DSCAML1: variants seen among roughly 807,000 people sequenced by gnomAD.
The protein encoded by DSCAML1 is cell adhesion molecule DSCAML1.
Under a neutral mutation model 200.5 loss-of-function variants are expected in DSCAML1, and 38 were observed. The ratio of observed to expected loss-of-function variants is 0.19; its 90% confidence interval spans 0.15 to 0.25. The LOEUF (loss-of-function observed/expected upper bound fraction) is 0.25, where lower values mean the gene tolerates loss of function less well. Among genes scored for constraint, DSCAML1 ranks in the 10% least tolerant of loss-of-function variants. The pLI is 1.00. For missense variants in DSCAML1, 2,223 were observed against 2,858.8 expected (o/e 0.78, Z 5.07); for synonymous variants, 1,215 against 1,165.0 (o/e 1.04, Z -0.87).
intron 11 of DSCAML1, among the ~76,000 whole-genome samples, chr11:117,499,316 G>A (rs1216365557): frequency 6.6e-6 from 1 of 152,112 alleles, no homozygotes; most frequent in Admixed American, 6.5e-5. Context: ...GTGGTCTGGT[G>A]TCTTGAAAAG....
At chr11:117,746,664 C>T (rs1893038) in intron 3 of DSCAML1, among the ~76,000 whole-genome samples, 141,302 of 152,232 alleles carry the variant, frequency 0.93, 66,205 homozygotes, top group East Asian at 1. Context: ...CAGTGTGCTA[C>T]TGGCAACCTG....
chr11:117,627,512 G>GC (rs1166232008), intron 3 of DSCAML1, among the ~76,000 whole-genome samples: 1 of 151,918 alleles, frequency 6.6e-6, no homozygotes, highest in African/African-American at 2.4e-5. Flanking sequence ...CACCACACTC[G>GC]TGCCTTCCCC....
intron 3 of DSCAML1, among the ~76,000 whole-genome samples, chr11:117,732,138 C>A (rs966664980): frequency 3.3e-4 from 50 of 152,370 alleles, no homozygotes; most frequent in Non-Finnish European, 5.4e-4. Flanking sequence ...CTGAAGACTG[C>A]AGAGCTTTGG....
In DSCAML1 at chr11:117,677,683, T is replaced by C. The variant is rs189170239; in HGVS notation, c.511+99108A>G. On this transcript the variant is annotated intron_variant, in intron 3 of 32. Transcript: ENST00000651296. ...TGCAGGGCAGAAGGGACAATAACCA[T>C]GGCTAACTTCTACTGAGCACTTTCT... Among the ~76,000 whole-genome samples the C allele has an allele frequency of 2.7e-3, 417 of 152,246 alleles. 1 individual carries two copies. Among genetic ancestry groups the C allele is most frequent in the Admixed American group, 0.01 (158 of 15,290 alleles).
intron 3 of DSCAML1, among the ~76,000 whole-genome samples, chr11:117,740,757 T>C (rs2054407023): frequency 6.6e-6 from 1 of 152,218 alleles, no homozygotes; most frequent in Admixed American, 6.5e-5. Context: ...ACTCCAAGGT[T>C]ACATATTTAT....
At chr11:117,610,955 A>C (rs1208252296) in intron 3 of DSCAML1, 1 of 151,528 alleles carries the variant, frequency 6.6e-6, no homozygotes, top group Non-Finnish European at 1.5e-5. Flanking sequence ...GGGTATGTAC[A>C]TTCCCAGCGT....
At chr11:117,706,681 C>T (rs908669781) in intron 3 of DSCAML1, among the ~76,000 whole-genome samples, 5 of 152,214 alleles carry the variant, frequency 3.3e-5, no homozygotes, top group South Asian at 2.1e-4. Context: ...GGAGGCCTAG[C>T]GTCTAGCCCT....
chr11:117,686,284 T>C (rs2053399747), intron 3 of DSCAML1, among the ~76,000 whole-genome samples: 2 of 152,158 alleles, frequency 1.3e-5, no homozygotes, highest in South Asian at 4.1e-4. Flanking sequence ...TGGGCAGAGG[T>C]GCGGTCAAGT....
chr11:117,596,035 T>C (rs2051357047), intron 3 of DSCAML1, among the ~76,000 whole-genome samples: 1 of 152,228 alleles, frequency 6.6e-6, no homozygotes, highest in South Asian at 2.1e-4. Flanking sequence ...ACTGCAAACA[T>C]TCCTGGGAAA....
chr11:117,523,854 G>T (rs759897627), intron 5 of DSCAML1, among the ~76,000 whole-genome samples: 19 of 152,220 alleles, frequency 1.2e-4, no homozygotes, highest in Non-Finnish European at 2.4e-4. Flanking sequence ...GATGCTGTTA[G>T]TAATGACAGC....
At chr11:117,517,022 C>T (rs958491900) in intron 7 of DSCAML1, among the ~76,000 whole-genome samples, 1 of 152,164 alleles carries the variant, frequency 6.6e-6, no homozygotes, top group Non-Finnish European at 1.5e-5. Context: ...CCATTCCCCT[C>T]GTGGGACAGG....
At position 117,428,654 on chromosome 11, in the gene DSCAML1, G is replaced by C. The variant is rs1462414182; in HGVS notation, c.5836C>G (p.Leu1946Val). The change falls in exon 33 of 33, where the codon CTG becomes GTG. Residue 1946 changes from leucine (L) to valine (V), a missense_variant. This residue lies in a region of DSCAML1 where 280 missense variants were observed against 213.4 expected (regional missense o/e 1.31). Transcript: ENST00000651296. ...CCCAAGGACTTGCTGGCAGGGTCCA[G>C]GGTCAGGTGGCGAGCCTGGGTGTGG... ...TYHTQARHLTLDPASKSLGLP... is the reference protein window; with the variant it reads ...TYHTQARHLTVDPASKSLGLP... 1.2e-5 allele frequency: 20 copies of C among 1,611,978 alleles called. No individual in the cohort carries two copies. The highest frequency in any genetic ancestry group is 1.6e-5 in the Non-Finnish European group (19 of 1,179,342).
intron 3 of DSCAML1, among the ~76,000 whole-genome samples, chr11:117,745,798 G>A (rs963691750): frequency 5.3e-5 from 8 of 152,192 alleles, no homozygotes; most frequent in African/African-American, 1.7e-4. Flanking sequence ...CTGTAAGCAA[G>A]TTCCTTGACA....
intron 3 of DSCAML1, among the ~76,000 whole-genome samples, chr11:117,756,129 GA>G (rs2137879956): frequency 6.6e-6 from 1 of 152,332 alleles, no homozygotes; most frequent in East Asian, 1.9e-4. Flanking sequence ...GTGGAAAAAA[GA>G]AAAGTGGCTC....
Position 117,446,364 on chromosome 11 carries a change from C to CAAAACA in DSCAML1, c.3709-2331_3709-2326dup, listed in dbSNP as rs537590853. Among the ~76,000 whole-genome samples, 253 of 152,032 alleles carry CAAAACA rather than the reference C, an allele frequency of 1.7e-3. 1 individual carries two copies. The highest frequency in any genetic ancestry group is 5.8e-3 in the Admixed American group (89 of 15,262). On this transcript the variant is annotated intron_variant, in intron 20 of 32. Coordinates refer to ENST00000651296, the MANE Select transcript of DSCAML1 (RefSeq NM_020693.4). ...GGGCAATAAGAGTGAAACTCTGTCT[C>CAAAACA]AAAACAAAAACAAAAACAAAAACAA...
intron 3 of DSCAML1, among the ~76,000 whole-genome samples, chr11:117,592,168 G>C (rs1442315622): frequency 6.6e-6 from 1 of 152,116 alleles, no homozygotes; most frequent in Non-Finnish European, 1.5e-5. Context: ...TCAGAGTCTG[G>C]ATTCTCCGCA....
chr11:117,524,081 G>A (rs920770488), intron 5 of DSCAML1, among the ~76,000 whole-genome samples: 2 of 152,192 alleles, frequency 1.3e-5, no homozygotes, highest in Admixed American at 6.5e-5. Context: ...TCACAAATCC[G>A]CATCCAGAGT....
rs140525606 is a variant in DSCAML1, at chr11:117,431,848, C to T, written c.5180-120G>A. 3.8e-4 allele frequency: 364 copies of T among 967,778 alleles called. 3 individuals carry two copies. The East Asian group carries it at 8.1e-3, about 21-fold the overall frequency. The allele number at this position is 967,778 out of a possible 1,614,324, so 59.9% of individuals were successfully genotyped here. On this transcript the variant is annotated intron_variant, in intron 30 of 32. Transcript: ENST00000651296. ...GAAGAGGCAGATGCAGCCACAGAAG[C>T]GCCCTTGGGAATGCTGCCTTTCCTA...
intron 3 of DSCAML1, among the ~76,000 whole-genome samples, chr11:117,545,245 A>C (rs1471113108): frequency 7.4e-6 from 1 of 135,454 alleles, no homozygotes; most frequent in Non-Finnish European, 1.6e-5. Context: ...ACACACACAC[A>C]CACACACACA....
Sources: gnomAD v4.1 joint callset for allele counts (sites outside exome capture counted in the v4.1 genomes callset) on GRCh38, gnomAD v4.1.1 for gene constraint, gnomAD v4.1.1 regional missense constraint, MANE v1.5 for transcripts, NCBI Gene and HGNC (gene_info 2026-07-23, HGNC 2026-07-21) for gene names.